Variants in CLIP2 observed in about 807,000 individuals in gnomAD.
CLIP2 encodes CAP-Gly domain-containing linker protein 2.
CLIP2 carries 41 observed loss-of-function variants against 111.7 expected under a neutral mutation model. The ratio of observed to expected loss-of-function variants is 0.37; its 90% CI spans 0.29 to 0.48. The LOEUF (loss-of-function observed/expected upper bound fraction) is 0.48, where lower values mean the gene tolerates loss of function less well. Ranked by LOEUF, CLIP2 falls within the 20% of genes least tolerant of loss-of-function variation. CLIP2 has a pLI of 0.99. For synonymous variants in CLIP2, 660 were observed against 644.2 expected (o/e 1.02, Z -0.37); for missense variants, 1,160 against 1,422.1 (o/e 0.82, Z 2.96).
chr7:74,361,384 T>A (rs1790328993), intron 7 of CLIP2, among the ~76,000 whole-genome samples: 2 of 151,636 alleles, frequency 1.3e-5, no homozygotes, highest in Non-Finnish European at 2.9e-5. Context: ...GCCCTGCTAA[T>A]TTTTGTATTT....
At chr7:74,400,643 C>A in intron 15 of CLIP2, 88 bp downstream of exon 15, 1 of 1,297,190 alleles carries the variant, frequency 7.7e-7, no homozygotes, top group Non-Finnish European at 1.0e-6. Context: ...GCAGCCTTGT[C>A]TTTAAAACCC....
intron 2 of CLIP2, among the ~76,000 whole-genome samples, chr7:74,327,942 G>C (rs1554730844): frequency 6.6e-6 from 1 of 152,202 alleles, no homozygotes; most frequent in Non-Finnish European, 1.5e-5. Flanking sequence ...CTGTTCTCCT[G>C]GTTTGGGAGG....
intron 3 of CLIP2, among the ~76,000 whole-genome samples, chr7:74,343,061 G>A (rs1161432231): frequency 2.6e-5 from 4 of 151,186 alleles, no homozygotes; most frequent in African/African-American, 7.3e-5. Context: ...GGTGACGGGC[G>A]CCTGTAATCC....
intron 13 of CLIP2, among the ~76,000 whole-genome samples, chr7:74,396,160 C>T (rs1418883546): frequency 1.3e-5 from 2 of 152,198 alleles, no homozygotes; most frequent in African/African-American, 4.8e-5. Context: ...TTCCTGCAGA[C>T]CCCAAATGTG....
intron 7 of CLIP2, 32 bp downstream of exon 7, chr7:74,360,310 G>A: frequency 6.6e-7 from 1 of 1,516,478 alleles, no homozygotes; most frequent in Non-Finnish European, 9.0e-7. Flanking sequence ...CCCTGGCCCT[G>A]AGTCCCCTTA....
intron 2 of CLIP2, among the ~76,000 whole-genome samples, chr7:74,330,248 C>CTTT (rs10635770): frequency 0.57 from 76,942 of 136,136 alleles, 23,624 homozygotes; most frequent in Non-Finnish European, 0.7. Context: ...TGTTTCTTTT[C>CTTT]TTTTTTTTTT....
rs1791201725 is a variant in CLIP2 at position 74,389,108 on chromosome 7, G to A, written c.2569G>A (p.Glu857Lys). Reference sequence around the variant, plus strand: ...TCCCTGCCGGCTGACCCCAGCGCTGGAGAGCAAGTGTAAGTCAGGCGAGAA... The same window carrying A: ...TCCCTGCCGGCTGACCCCAGCGCTGAAGAGCAAGTGTAAGTCAGGCGAGAA... ...EMLRAQVSAL[E>K]SKCKSGEKKV... Residue 857 changes from glutamate to lysine, a missense_variant, in exon 13 of 17, where the codon GAG becomes AAG. Around this residue, in one of 5 missense-constraint regions of CLIP2, gnomAD observed 676 missense variants for 777.8 expected, o/e 0.87. Coordinates refer to ENST00000223398, the MANE Select transcript of CLIP2 (RefSeq NM_003388.5). The A allele has an allele frequency of 6.2e-7, 1 of 1,609,716 alleles. No homozygotes were observed. Among genetic ancestry groups the A allele is most frequent in the Admixed American group, 1.7e-5 (1 of 59,032 alleles).
intron 12 of CLIP2, among the ~76,000 whole-genome samples, chr7:74,387,042 A>G (rs62476439): frequency 2.1e-5 from 3 of 144,526 alleles, no homozygotes; most frequent in African/African-American, 2.6e-5. Flanking sequence ...AAAAAAAAAA[A>G]GGGCCAGGGC....
chr7:74,342,128 C>T (rs1789672278), intron 3 of CLIP2, among the ~76,000 whole-genome samples: 1 of 152,166 alleles, frequency 6.6e-6, no homozygotes, highest in South Asian at 2.1e-4. Flanking sequence ...GTAATCCCAG[C>T]ACTTTGGGAG....
chr7:74,355,569 C>G (rs562391519), intron 4 of CLIP2, among the ~76,000 whole-genome samples: 11 of 152,004 alleles, frequency 7.2e-5, no homozygotes, highest in African/African-American at 2.7e-4. Flanking sequence ...ATGATCGCAC[C>G]GCTGCACTCC....
At chr7:74,298,262 T>C (rs1554726330) in intron 1 of CLIP2, among the ~76,000 whole-genome samples, 1 of 152,046 alleles carries the variant, frequency 6.6e-6, no homozygotes, top group Non-Finnish European at 1.5e-5. Context: ...CTAAGCTCAC[T>C]GTGATCTCCA....
At chr7:74,297,563 C>T (rs140973683) in intron 1 of CLIP2, among the ~76,000 whole-genome samples, 1 of 152,118 alleles carries the variant, frequency 6.6e-6, no homozygotes, top group Non-Finnish European at 1.5e-5. Flanking sequence ...ACTTGAACCC[C>T]TCCAGTGATG....
chr7:74,316,849 A>T (rs1354073722), intron 1 of CLIP2, among the ~76,000 whole-genome samples: 1 of 151,924 alleles, frequency 6.6e-6, no homozygotes, highest in African/African-American at 2.4e-5. Context: ...GGCATCAGCC[A>T]CTGCACCTGG....
chr7:74,375,489 G>A (rs1303250951), intron 9 of CLIP2, among the ~76,000 whole-genome samples: 1 of 132,520 alleles, frequency 7.5e-6, no homozygotes, highest in Non-Finnish European at 1.6e-5. Flanking sequence ...GGAAGTAGAG[G>A]TTGCAGTGAG....
At chr7:74,293,981 A>C (rs1788100337) in intron 1 of CLIP2, among the ~76,000 whole-genome samples, 1 of 150,800 alleles carries the variant, frequency 6.6e-6, no homozygotes, top group Non-Finnish European at 1.5e-5. Flanking sequence ...CAGTGGCATG[A>C]TCTCAGCTCA....
chr7:74,375,148 G>A (rs1776181430), intron 9 of CLIP2, among the ~76,000 whole-genome samples: 1 of 152,042 alleles, frequency 6.6e-6, no homozygotes, highest in South Asian at 2.1e-4. Context: ...TGCTTTTGAG[G>A]CTGAGGCAGG....
intron 3 of CLIP2, among the ~76,000 whole-genome samples, chr7:74,352,839 T>A (rs1451506190): frequency 1.3e-5 from 2 of 151,826 alleles, no homozygotes; most frequent in Non-Finnish European, 2.9e-5. Context: ...CAAGACCCTG[T>A]GTCTACAAAA....
rs782086130 is a variant in CLIP2 at position 74,356,613 on chromosome 7, G to A, written c.1007G>A (p.Arg336His). 1.2e-5 allele frequency: 20 copies of A among 1,612,880 alleles called. No individual in the cohort carries two copies. The highest frequency in any genetic ancestry group is 2.2e-5 in the East Asian group (1 of 44,872). The change falls in exon 5 of 17, where the codon CGC (arginine) becomes CAC (histidine). Residue 336 changes from arginine to histidine, a missense_variant. Coordinates refer to ENST00000223398, the MANE Select transcript of CLIP2 (RefSeq NM_003388.5). ...VASSVGGRPSRSGLLTETSSR... is the reference protein window; with the variant it reads ...VASSVGGRPSHSGLLTETSSR... ...TCCTCCGTGGGGGGTCGGCCCAGCC[G>A]CAGTGGCCTGGTGAGGGTGGGGCTG...
chr7:74,334,270 A>G (rs931340681), intron 2 of CLIP2, among the ~76,000 whole-genome samples: 1 of 152,212 alleles, frequency 6.6e-6, no homozygotes, highest in Non-Finnish European at 1.5e-5. Flanking sequence ...GGCAGCCGAG[A>G]GTCCCACTAC....
Sources: gnomAD v4.1 joint callset for allele counts (sites outside exome capture counted in the v4.1 genomes callset) on GRCh38, gnomAD v4.1.1 for gene constraint, gnomAD v4.1.1 regional missense constraint, MANE v1.5 for transcripts, NCBI Gene and HGNC (gene_info 2026-07-23, HGNC 2026-07-21) for gene names.